Variants in SPOCK3 observed in about 807,000 individuals in gnomAD.
The protein encoded by SPOCK3 is SPARC (osteonectin), cwcv and kazal like domains proteoglycan 3.
SPOCK3 carries 30 observed loss-of-function variants against 56.6 expected under a neutral mutation model. That is an observed-to-expected ratio of 0.53 (90% CI 0.40 to 0.72). The LOEUF (loss-of-function observed/expected upper bound fraction) is 0.72. Among genes scored for constraint, SPOCK3 ranks in the 30% least tolerant of loss-of-function variants. The pLI is 0.00. For missense variants in SPOCK3, 527 were observed against 530.0 expected (o/e 0.99, Z 0.06); for synonymous variants, 196 against 183.3 (o/e 1.07, Z -0.56).
intron 3 of SPOCK3, among the ~76,000 whole-genome samples, chr4:167,019,915 TG>T (rs1289864446): frequency 1.3e-5 from 2 of 152,264 alleles, no homozygotes; most frequent in African/African-American, 4.8e-5. Context: ...TCAGCTGAGA[TG>T]GTGCTCTCCA....
intron 2 of SPOCK3, among the ~76,000 whole-genome samples, chr4:167,093,226 T>C (rs1308733383): frequency 6.6e-6 from 1 of 152,206 alleles, no homozygotes; most frequent in Non-Finnish European, 1.5e-5. Context: ...TTTGTTTGCT[T>C]GGGGAATTAC....
chr4:166,890,416 T>TC (rs1734651908), intron 5 of SPOCK3, among the ~76,000 whole-genome samples: 1 of 151,770 alleles, frequency 6.6e-6, no homozygotes, highest in Non-Finnish European at 1.5e-5. Context: ...AGCCAGTTTT[T>TC]CCCCACGCAG....
intron 3 of SPOCK3, among the ~76,000 whole-genome samples, chr4:167,059,013 A>G (rs1373090991): frequency 6.6e-6 from 1 of 152,130 alleles, no homozygotes; most frequent in Non-Finnish European, 1.5e-5. Context: ...AGATGGATTA[A>G]AGACTTAAAC....
At chr4:167,162,091 A>G (rs1765370070) in intron 2 of SPOCK3, among the ~76,000 whole-genome samples, 1 of 152,054 alleles carries the variant, frequency 6.6e-6, no homozygotes, top group Admixed American at 6.6e-5. Context: ...AGGTCTTGCT[A>G]AACCACTCCC....
rs548171500 is a variant in SPOCK3 at position 167,085,845 on chromosome 4, G to A, written c.190-23308C>T. Among the ~76,000 whole-genome samples the A allele has an allele frequency of 3.9e-5, 6 of 152,096 alleles. No individual in the cohort carries two copies. In the South Asian group the frequency reaches 1.2e-3, roughly 32 times the overall value. On this transcript the variant is annotated intron_variant, in intron 2 of 10. Coordinates refer to ENST00000357545, the MANE Select transcript of SPOCK3 (RefSeq NM_001040159.2). ...TATTTGTATTCAGTTTAAGTTCCCA[G>A]AACAGAAATGACATCTCATTATGAT...
At chr4:167,051,805 T>C (rs991266975) in intron 3 of SPOCK3, among the ~76,000 whole-genome samples, 2 of 152,226 alleles carry the variant, frequency 1.3e-5, no homozygotes, top group Non-Finnish European at 2.9e-5. Context: ...CATTTCTAGA[T>C]TGTGTGTCTT....
intron 2 of SPOCK3, chr4:167,083,289 G>C (rs773885486): frequency 1.3e-5 from 10 of 764,872 alleles, no homozygotes; most frequent in Middle Eastern, 2.2e-4. Flanking sequence ...CCCAAATCCT[G>C]TGTCAGGTTG....
intron 2 of SPOCK3, among the ~76,000 whole-genome samples, chr4:167,217,025 T>C (rs1396731294): frequency 1.3e-5 from 2 of 152,082 alleles, no homozygotes. Context: ...ACTAAACACA[T>C]GTACAAATTG....
At chr4:167,205,361 T>TA in intron 2 of SPOCK3, among the ~76,000 whole-genome samples, 2 of 33,336 alleles carry the variant, frequency 6.0e-5, no homozygotes, top group African/African-American at 1.8e-4. Context: ...AATATATATA[T>TA]TATATATTTT....
intron 6 of SPOCK3, among the ~76,000 whole-genome samples, chr4:166,873,439 GC>G (rs1006287626): frequency 2.0e-5 from 3 of 152,176 alleles, no homozygotes; most frequent in South Asian, 4.2e-4. Context: ...ATCAATTGCA[GC>G]AAATGATGCA....
chr4:166,928,751 G>A (rs913569236), intron 4 of SPOCK3, among the ~76,000 whole-genome samples: 1 of 152,040 alleles, frequency 6.6e-6, no homozygotes, highest in South Asian at 2.1e-4. Context: ...CGGGCGGATC[G>A]TGAGGTCAGC....
intron 2 of SPOCK3, among the ~76,000 whole-genome samples, chr4:167,129,854 T>C (rs1762566028): frequency 6.6e-6 from 1 of 152,192 alleles, no homozygotes; most frequent in South Asian, 2.1e-4. Flanking sequence ...TATTTAAAGT[T>C]GCACTAAAAT....
chr4:167,122,706 T>C (rs181122387), intron 2 of SPOCK3, among the ~76,000 whole-genome samples: 2 of 152,302 alleles, frequency 1.3e-5, no homozygotes, highest in East Asian at 1.9e-4. Flanking sequence ...GAAGTAAATA[T>C]AGTAAAGAGA....
At chr4:167,063,766 C>T (rs914185836) in intron 2 of SPOCK3, among the ~76,000 whole-genome samples, 1 of 151,850 alleles carries the variant, frequency 6.6e-6, no homozygotes, top group African/African-American at 2.4e-5. Context: ...CAAGTGAGAA[C>T]ATGAGGTATT....
At chr4:167,111,914 T>A (rs941689626) in intron 2 of SPOCK3, among the ~76,000 whole-genome samples, 2 of 151,966 alleles carry the variant, frequency 1.3e-5, no homozygotes, top group African/African-American at 4.8e-5. Context: ...TGAGCCACCA[T>A]GCCTGGCTGA....
At chr4:167,189,223 TAAGAA>T (rs1732267748) in intron 2 of SPOCK3, among the ~76,000 whole-genome samples, 1 of 145,626 alleles carries the variant, frequency 6.9e-6, no homozygotes, top group Admixed American at 7.0e-5. Flanking sequence ...CAATATATAA[TAAGAA>T]AAGTACACTA....
At chr4:167,205,271 A>ATACATAT (rs1554053141) in intron 2 of SPOCK3, among the ~76,000 whole-genome samples, 1 of 54,146 alleles carries the variant, frequency 1.8e-5, no homozygotes, top group Non-Finnish European at 3.4e-5. Context: ...TATATCTATA[A>ATACATAT]TATATATTAT....
rs549858853 is a variant in SPOCK3, at chr4:167,099,980, ATAAC to A, written c.190-37447_190-37444del. 3.0e-3 allele frequency among the ~76,000 whole-genome samples: 458 copies of A among 152,256 alleles called. 2 individuals are homozygous for A. The highest frequency in any genetic ancestry group is 0.01 in the African/African-American group (432 of 41,562). ...GTACAATTTGGTCTGAGCTATCACAATAACTAACATCACTTAGGCTTCACTTTTT... is the reference window on the plus strand; with the variant it reads ...GTACAATTTGGTCTGAGCTATCACAATAACATCACTTAGGCTTCACTTTTT... On this transcript the variant is annotated intron_variant, in intron 2 of 10. Transcript: ENST00000357545.
chr4:166,882,831 T>A (rs925121765), intron 6 of SPOCK3: 1 of 152,314 alleles, frequency 6.6e-6, no homozygotes, highest in African/African-American at 2.4e-5. Flanking sequence ...TTCAGACACA[T>A]TAATTTAATC....
Sources: allele counts gnomAD v4.1 joint callset (sites outside exome capture counted in the v4.1 genomes callset), GRCh38; gene constraint gnomAD v4.1.1; transcripts MANE v1.5; gene names NCBI Gene and HGNC (gene_info 2026-07-23, HGNC 2026-07-21).